ZNF518B: variants seen among roughly 807,000 people sequenced by gnomAD.
ZNF518B encodes the protein zinc finger protein 518B.
A neutral mutation model predicts 56.3 loss-of-function variants in ZNF518B; 23 were observed. The ratio of observed to expected loss-of-function variants is 0.41; its 90% confidence interval spans 0.29 to 0.58. The LOEUF (loss-of-function observed/expected upper bound fraction) is 0.58. ZNF518B is among the 20% of genes least tolerant of loss of function. The probability of loss-of-function intolerance (pLI) is 0.32; values close to 1 mark genes in which losing one functional copy is unlikely to be tolerated. For synonymous variants in ZNF518B, 529 were observed against 465.9 expected (o/e 1.14, Z -1.74); for missense variants, 1,460 against 1,272.1 (o/e 1.15, Z -2.25).
At position 10,444,325 on chromosome 4, in the gene ZNF518B, C is replaced by A; in HGVS notation, c.2004G>T (p.Lys668Asn). 2 of 1,614,216 alleles carry A rather than the reference C, an allele frequency of 1.2e-6. No homozygotes were observed. The highest frequency in any genetic ancestry group is 8.5e-7 in the Non-Finnish European group (1 of 1,180,036). ...CACAGGACTCAATTAACTGAGCTAT[C>A]TTTCTGCGCAACAGTTCAATTGACT... The part of the protein sequence containing the change: ...KIKSIELLRR[K>N]IAQLIESCGK... Residue 668 changes from lysine (K) to asparagine (N), a missense_variant, in exon 3 of 3, where the codon AAG becomes AAT. Physicochemically the swap from Lys to Asn is moderately conservative, Grantham distance 94 (BLOSUM62 0). Coordinates refer to ENST00000326756, the MANE Select transcript of ZNF518B (RefSeq NM_053042.3).
chr4:10,460,945 C>T (rs942171348), upstream of ZNF518B, among the ~76,000 whole-genome samples: 2 of 152,214 alleles, frequency 1.3e-5, no homozygotes, highest in East Asian at 1.9e-4. Context: ...TCTTCTAAAA[C>T]ATTTCAGAAG....
chr4:10,457,774 C>T (rs951797312), upstream of ZNF518B, among the ~76,000 whole-genome samples: 7 of 152,186 alleles, frequency 4.6e-5, no homozygotes, highest in Admixed American at 4.6e-4. Context: ...TGAGTGAAAG[C>T]GAGAGAAGAG....
chr4:10,459,304 TAG>T (rs1715672035), upstream of ZNF518B, among the ~76,000 whole-genome samples: 1 of 151,978 alleles, frequency 6.6e-6, no homozygotes, highest in South Asian at 2.1e-4. Context: ...CAAGGAAAAA[TAG>T]AAACTACTTC....
chr4:10,444,099 T>C lies in ZNF518B; in HGVS notation c.2230A>G (p.Ile744Val), dbSNP rs756716426. 21 of 1,614,112 alleles carry C rather than the reference T, an allele frequency of 1.3e-5. No individual in the cohort carries two copies. The Admixed American group carries it at 3.3e-4, about 26-fold the overall frequency. Residue 744 changes from isoleucine (I) to valine (V), a missense_variant, in exon 3 of 3, where the codon ATA becomes GTA. Transcript: ENST00000326756. Reference sequence around the variant, plus strand: ...CTGCCATCTGCAAAGTGTGGATATATTTGTTGATGAGTAAGCTGTCTATTA... The same window carrying C: ...CTGCCATCTGCAAAGTGTGGATATACTTGTTGATGAGTAAGCTGTCTATTA... ...TGNRQLTHQQIYPHFADGSNR... is the reference protein window; with the variant it reads ...TGNRQLTHQQVYPHFADGSNR...
chr4:10,444,282 C>A lies in ZNF518B; in HGVS notation c.2047G>T (p.Ala683Ser), dbSNP rs749204897. ...IESCGKPSSL[A>S]SNSAHRRSVG... ...GAGCGACGATGTGCACTATTTGAAG[C>A]CAAAGATGACGGCTTCCCACAGGAC... The change falls in exon 3 of 3, where the codon GCT (alanine) becomes TCT (serine). Residue 683 changes from alanine (A) to serine (S), a missense_variant. Ala to Ser is a moderately conservative substitution (Grantham distance 99, BLOSUM62 1). Transcript: ENST00000326756. 12 of 1,614,158 alleles carry A rather than the reference C, an allele frequency of 7.4e-6. No individual in the cohort carries two copies. The highest frequency in any genetic ancestry group is 1.3e-5 in the African/African-American group (1 of 75,024).
chr4:10,444,154 C>A lies in ZNF518B; in HGVS notation c.2175G>T (p.Gln725His), dbSNP rs1186950677. The A allele has an allele frequency of 5.0e-6, 8 of 1,614,092 alleles. No individual in the cohort carries two copies. The highest frequency in any genetic ancestry group is 6.8e-6 in the Non-Finnish European group (8 of 1,180,046). Reference protein sequence around the residue: ...TGLGHSTGTLQKPPNDGGITG... With the variant: ...TGLGHSTGTLHKPPNDGGITG... Reference sequence around the variant, plus strand: ...TAATACCACCATCATTCGGAGGTTTCTGAAGAGTACCTGTGGAATGGCCAA... The same window carrying A: ...TAATACCACCATCATTCGGAGGTTTATGAAGAGTACCTGTGGAATGGCCAA... The change falls in exon 3 of 3, where the codon CAG (glutamine) becomes CAT (histidine). Residue 725 changes from glutamine to histidine, a missense_variant. Coordinates refer to ENST00000326756, the MANE Select transcript of ZNF518B (RefSeq NM_053042.3).
Position 10,443,724 on chromosome 4 carries a change from C to G in ZNF518B, c.2605G>C (p.Gly869Arg). The change falls in exon 3 of 3, where the codon GGA (glycine) becomes CGA (arginine). Residue 869 changes from glycine to arginine, a missense_variant. Gly to Arg is a moderately radical substitution (Grantham distance 125). Coordinates refer to ENST00000326756, the MANE Select transcript of ZNF518B (RefSeq NM_053042.3). ...RKTGLLYGQQ[G>R]SSELNKQGRL... The stretch of plus-strand genomic sequence containing the variant: ...CCTTGCTTATTTAATTCACTGCTTC[C>G]TTGCTGTCCATACAAGAGGCCAGTT... The G allele has an allele frequency of 1.2e-6, 2 of 1,614,132 alleles. No homozygotes were observed. Among genetic ancestry groups the G allele is most frequent in the Non-Finnish European group, 1.7e-6 (2 of 1,180,026 alleles).
chr4:10,454,205 GCAAA>G (rs1396754748), intron 2 of ZNF518B: 1 of 152,236 alleles, frequency 6.6e-6, no homozygotes, highest in Non-Finnish European at 1.5e-5. Flanking sequence ...CTGTCATGGG[GCAAA>G]CAGACAAGCA....
At chr4:10,458,608 A>C (rs1715643631), upstream of ZNF518B, among the ~76,000 whole-genome samples, 1 of 152,224 alleles carries the variant, frequency 6.6e-6, no homozygotes, top group Admixed American at 6.5e-5. Context: ...CAGTGCTCCT[A>C]ACCTCGGTCC....
chr4:10,445,912 T>C lies in ZNF518B; in HGVS notation c.417A>G (p.Lys139=). ...NFKPGKYYCD[K]CRFSTKDPLQ... ...GCGGGTCCTTTGTAGAGAATCGACA[T>C]TTATCACAATAGTATTTGCCTGGCT... Residue 139 remains lysine (K), a synonymous_variant, in exon 3 of 3, where the codon AAA becomes AAG. Transcript: ENST00000326756. 6.2e-7 allele frequency: 1 copy of C among 1,614,232 alleles called. No individual in the cohort carries two copies. Among genetic ancestry groups the C allele is most frequent in the Admixed American group, 1.7e-5 (1 of 60,022 alleles).
At chr4:10,449,110 G>T (rs1399573858) in intron 2 of ZNF518B, among the ~76,000 whole-genome samples, 1 of 152,206 alleles carries the variant, frequency 6.6e-6, no homozygotes, top group Non-Finnish European at 1.5e-5. Context: ...AAAAGCTGCA[G>T]CAGCAGCCAG....
chr4:10,454,313 T>G (rs67888847), intron 2 of ZNF518B: 26,379 of 152,146 alleles, frequency 0.17, 2,780 homozygotes, highest in African/African-American at 0.3. Flanking sequence ...CTTTGTAGAT[T>G]CTTAGAAATT....
chr4:10,459,351 C>T (rs549245460), upstream of ZNF518B, among the ~76,000 whole-genome samples: 7 of 152,170 alleles, frequency 4.6e-5, no homozygotes, highest in South Asian at 1.5e-3. Flanking sequence ...CCCTAAAAGT[C>T]TTTTGATGCT....
Position 10,444,145 on chromosome 4 carries a change from C to G in ZNF518B, c.2184G>C (p.Pro728=). 6.2e-7 allele frequency: 1 copy of G among 1,614,136 alleles called. No homozygotes were observed. Among genetic ancestry groups the G allele is most frequent in the Non-Finnish European group, 8.5e-7 (1 of 1,180,020 alleles). Reference sequence around the variant, plus strand: ...TATTACCAGTAATACCACCATCATTCGGAGGTTTCTGAAGAGTACCTGTGG... The same window carrying G: ...TATTACCAGTAATACCACCATCATTGGGAGGTTTCTGAAGAGTACCTGTGG... ...GHSTGTLQKP[P]NDGGITGNRQ... is the part of the protein sequence containing the mutation. Residue 728 remains proline, a synonymous_variant, in exon 3 of 3, where the codon CCG becomes CCC. Coordinates refer to ENST00000326756, the MANE Select transcript of ZNF518B (RefSeq NM_053042.3).
upstream of ZNF518B, among the ~76,000 whole-genome samples, chr4:10,459,855 G>C (rs1400154196): frequency 6.6e-6 from 1 of 152,148 alleles, no homozygotes; most frequent in East Asian, 1.9e-4. Context: ...AGAACTGTGA[G>C]ACAATACATG....
chr4:10,456,510 C>A (rs1431482408), intron 1 of ZNF518B, among the ~76,000 whole-genome samples: 1 of 152,184 alleles, frequency 6.6e-6, no homozygotes, highest in Non-Finnish European at 1.5e-5. Context: ...TGTCCTCGCC[C>A]CCCGTAAAAG....
chr4:10,449,028 C>A (rs1201989023), intron 2 of ZNF518B, among the ~76,000 whole-genome samples: 1 of 152,180 alleles, frequency 6.6e-6, no homozygotes, highest in African/African-American at 2.4e-5. Flanking sequence ...CTCGAAATCA[C>A]ACACTTTATC....
At chr4:10,447,106 T>A (rs1205754026) in intron 2 of ZNF518B, among the ~76,000 whole-genome samples, 1 of 152,200 alleles carries the variant, frequency 6.6e-6, no homozygotes, top group Non-Finnish European at 1.5e-5. Flanking sequence ...TGCTGCAGCA[T>A]CTTATTGGGA....
At chr4:10,450,539 T>C (rs1715257164) in intron 2 of ZNF518B, among the ~76,000 whole-genome samples, 1 of 149,698 alleles carries the variant, frequency 6.7e-6, no homozygotes, top group East Asian at 2.0e-4. Context: ...TGGACACTCC[T>C]GAGGGACAGC....
Sources: gnomAD v4.1 joint callset for allele counts (sites outside exome capture counted in the v4.1 genomes callset) on GRCh38, gnomAD v4.1.1 for gene constraint, MANE v1.5 for transcripts, NCBI Gene and HGNC (gene_info 2026-07-23, HGNC 2026-07-21) for gene names.